Variants in LRRC4C observed in about 807,000 individuals in gnomAD.
LRRC4C encodes leucine rich repeat containing 4C, also known as leucine-rich repeat-containing protein 4C.
A neutral mutation model predicts 33.6 loss-of-function variants in LRRC4C; 5 were observed. The ratio of observed to expected loss-of-function variants is 0.15; its 90% CI spans 0.08 to 0.31. The LOEUF (loss-of-function observed/expected upper bound fraction) is 0.31. Ranked by LOEUF, LRRC4C falls within the 10% of genes least tolerant of loss-of-function variation. LRRC4C has a pLI of 1.00. For synonymous variants in LRRC4C, 329 were observed against 302.0 expected (o/e 1.09, Z -0.93); for missense variants, 560 against 796.7 (o/e 0.70, Z 3.58).
chr11:40,635,824 A>G (rs1963908261), intron 3 of LRRC4C, among the ~76,000 whole-genome samples: 1 of 151,454 alleles, frequency 6.6e-6, no homozygotes, highest in African/African-American at 2.4e-5. Flanking sequence ...TATTTTTAGT[A>G]GAGACGGGGT....
At chr11:41,252,888 C>G (rs567678560) in intron 1 of LRRC4C, among the ~76,000 whole-genome samples, 2 of 152,224 alleles carry the variant, frequency 1.3e-5, no homozygotes, top group South Asian at 4.1e-4. Context: ...ACCACAAGAA[C>G]AGCACGTGAA....
chr11:40,643,587 C>T (rs901305320), intron 3 of LRRC4C, among the ~76,000 whole-genome samples: 1 of 152,170 alleles, frequency 6.6e-6, no homozygotes, highest in Non-Finnish European at 1.5e-5. Flanking sequence ...AGGACTTTCA[C>T]CACCACCCAG....
At chr11:40,748,266 G>A (rs760236125) in intron 2 of LRRC4C, among the ~76,000 whole-genome samples, 1 of 151,902 alleles carries the variant, frequency 6.6e-6, no homozygotes, top group African/African-American at 2.4e-5. Context: ...TAAAGTGCTA[G>A]AAGAAAAATA....
At chr11:41,297,666 C>A (rs1950180255) in intron 1 of LRRC4C, among the ~76,000 whole-genome samples, 1 of 152,024 alleles carries the variant, frequency 6.6e-6, no homozygotes, top group Admixed American at 6.6e-5. Flanking sequence ...ATACTCTCTG[C>A]CTGTTTACTA....
chr11:41,400,295 G>A (rs920599026), intron 1 of LRRC4C, among the ~76,000 whole-genome samples: 1 of 151,916 alleles, frequency 6.6e-6, no homozygotes, highest in Non-Finnish European at 1.5e-5. Context: ...CTCAGTGCCT[G>A]ACATTTAGTA....
intron 1 of LRRC4C, among the ~76,000 whole-genome samples, chr11:41,414,987 C>T (rs1164991116): frequency 3.3e-5 from 5 of 152,080 alleles, no homozygotes; most frequent in African/African-American, 1.2e-4. Context: ...AAGCACTTTA[C>T]AAACATGAAG....
At chr11:40,723,070 A>T (rs545463108) in intron 2 of LRRC4C, among the ~76,000 whole-genome samples, 25 of 152,274 alleles carry the variant, frequency 1.6e-4, no homozygotes, top group Admixed American at 7.2e-4. Flanking sequence ...ATAAATTTTT[A>T]AAAATGAGAA....
intron 4 of LRRC4C, among the ~76,000 whole-genome samples, chr11:40,279,843 A>G (rs1489358411): frequency 1.3e-5 from 2 of 152,210 alleles, no homozygotes; most frequent in African/African-American, 2.4e-5. Flanking sequence ...TACTCAGTAT[A>G]TGGCATTTAT....
At chr11:41,375,280 A>G (rs1293192851) in intron 1 of LRRC4C, among the ~76,000 whole-genome samples, 18 of 152,182 alleles carry the variant, frequency 1.2e-4, no homozygotes, top group Non-Finnish European at 4.4e-5. Context: ...AACAATGGAA[A>G]GTTTAATGCC....
intron 1 of LRRC4C, among the ~76,000 whole-genome samples, chr11:41,178,901 C>T (rs193259492): frequency 7.9e-5 from 12 of 152,176 alleles, no homozygotes; most frequent in African/African-American, 2.2e-4. Context: ...CAGGGTTTCA[C>T]CATCTTGGCC....
At chr11:40,116,380 T>G in intron 6 of LRRC4C, 46 bp from the exon 7 acceptor site, 1 of 1,503,480 alleles carries the variant, frequency 6.7e-7, no homozygotes, top group Non-Finnish European at 8.9e-7. Context: ...TTAGATTTAT[T>G]CTAAGTGTCT....
intron 1 of LRRC4C, among the ~76,000 whole-genome samples, chr11:41,375,944 G>C (rs1016130347): frequency 6.6e-6 from 1 of 151,848 alleles, no homozygotes; most frequent in South Asian, 2.1e-4. Context: ...GATGATGATG[G>C]ATAGGGAAGT....
At chr11:41,172,538 GACA>G (rs1246630697) in intron 1 of LRRC4C, among the ~76,000 whole-genome samples, 1 of 152,036 alleles carries the variant, frequency 6.6e-6, no homozygotes, top group Non-Finnish European at 1.5e-5. Flanking sequence ...TCTCTGTACT[GACA>G]ACATTGGATT....
chr11:41,429,852 A>G (rs1254762398), intron 1 of LRRC4C, among the ~76,000 whole-genome samples: 4 of 152,170 alleles, frequency 2.6e-5, no homozygotes, highest in African/African-American at 4.8e-5. Context: ...AATTAAAAGA[A>G]AATCCCCTGG....
At chr11:40,682,539 G>A (rs536403029) in intron 2 of LRRC4C, among the ~76,000 whole-genome samples, 1 of 152,100 alleles carries the variant, frequency 6.6e-6, no homozygotes, top group Admixed American at 6.5e-5. Flanking sequence ...ACTTTGGGAG[G>A]CCGAGGCAGG....
intron 4 of LRRC4C, among the ~76,000 whole-genome samples, chr11:40,281,702 A>C (rs1943486093): frequency 2.0e-5 from 3 of 152,326 alleles, no homozygotes; most frequent in Admixed American, 6.5e-5. Context: ...ATAACAAACA[A>C]AAATGATCAG....
chr11:41,335,068 A>G (rs1951409403), intron 1 of LRRC4C, among the ~76,000 whole-genome samples: 1 of 152,164 alleles, frequency 6.6e-6, no homozygotes, highest in Non-Finnish European at 1.5e-5. Flanking sequence ...CCAAACACCT[A>G]ACATCCAGTT....
intron 1 of LRRC4C, among the ~76,000 whole-genome samples, chr11:41,219,698 T>C (rs1947219847): frequency 6.6e-6 from 1 of 152,212 alleles, no homozygotes; most frequent in South Asian, 2.1e-4. Context: ...AATCACCCGG[T>C]GTTGACCTTA....
chr11:40,209,209 C>T (rs984756457), intron 5 of LRRC4C, among the ~76,000 whole-genome samples: 1 of 152,088 alleles, frequency 6.6e-6, no homozygotes, highest in Admixed American at 6.6e-5. Flanking sequence ...TATGCTTCCC[C>T]CAAGGTAGCT....
Sources: allele counts gnomAD v4.1 joint callset (sites outside exome capture counted in the v4.1 genomes callset), GRCh38; gene constraint gnomAD v4.1.1; transcripts MANE v1.5; gene names NCBI Gene and HGNC (gene_info 2026-07-23, HGNC 2026-07-21).